The following TGIF1 variants were observed in gnomAD, a reference collection of about 807,000 sequenced individuals.
TGIF1 encodes TGFB induced factor homeobox 1.
TGIF1 carries 4 observed loss-of-function variants against 19.3 expected under a neutral mutation model. That is an observed-to-expected ratio of 0.21 (90% confidence interval 0.10 to 0.47). The LOEUF (loss-of-function observed/expected upper bound fraction) is 0.47. Ranked by LOEUF, TGIF1 falls within the 20% of genes least tolerant of loss-of-function variation. The pLI is 0.98. For synonymous variants in TGIF1, 122 were observed against 129.3 expected, an observed-to-expected ratio of 0.94 and a Z score of 0.38; for missense variants, 275 against 341.4, an observed-to-expected ratio of 0.81 and a Z score of 1.53.
At chr18:3,420,378 C>T (rs1189025876) in intron 2 of TGIF1, among the ~76,000 whole-genome samples, 4 of 150,716 alleles carry the variant, frequency 2.7e-5, no homozygotes, top group Admixed American at 1.3e-4. Flanking sequence ...GTGAGACTCC[C>T]TCTCAAAAAA....
At chr18:3,434,575 CG>C (rs1229580626) in intron 2 of TGIF1, among the ~76,000 whole-genome samples, 1 of 151,770 alleles carries the variant, frequency 6.6e-6, no homozygotes, top group Non-Finnish European at 1.5e-5. Context: ...ATTAGCCAGG[CG>C]TGGTGGCATG....
chr18:3,445,728 A>T (rs2082734110), upstream of TGIF1, among the ~76,000 whole-genome samples: 1 of 111,932 alleles, frequency 8.9e-6, no homozygotes. Flanking sequence ...TGTCTCAAAA[A>T]AAAAAAAAAA....
At position 3,451,763 on chromosome 18, in the gene TGIF1, G is replaced by C. The variant is rs1194569649; in HGVS notation, c.16+1258G>C. ...TTAAACTTGAAACTCGGATCAACTG[G>C]CAGTCGTTGTTGGTAGAACGCCCTA... is the stretch of plus-strand genomic sequence containing the variant. On this transcript the variant is annotated intron_variant, in intron 1 of 2. Transcript: ENST00000343820. This position sits in a 1 kb window ranked among gnomAD's most constrained non-coding sequence, Gnocchi z 5.4. The C allele has an allele frequency of 1.6e-6, 2 of 1,251,918 alleles. No homozygotes were observed. The highest frequency in any genetic ancestry group is 3.1e-5 in the East Asian group (1 of 32,258). The allele number at this position is 1,251,918 out of a possible 1,614,324, so 77.6% of individuals were successfully genotyped here. A position where few individuals can be genotyped will look rare whatever the true frequency, so the allele number is the denominator to read the frequency against.
chr18:3,455,601 T>TAA (rs141164010), intron 1 of TGIF1: 1 of 152,702 alleles, frequency 6.5e-6, no homozygotes, highest in African/African-American at 2.4e-5. Flanking sequence ...TTGACCTTAC[T>TAA]AAAGTACCAG....
chr18:3,457,281 C>A lies in TGIF1; in HGVS notation c.244-84C>A. On this transcript the variant is annotated intron_variant, in intron 2 of 2. Coordinates refer to ENST00000343820, the MANE Select transcript of TGIF1 (RefSeq NM_003244.4). The surrounding 1 kb of genome is among the most constrained non-coding windows in gnomAD (Gnocchi z 4.9). ...CTTTCTTTAATTCAGAGAGCAAGAT[C>A]AATTAGGTACCCCATAGAACATTCT... The A allele has an allele frequency of 1.5e-6, 2 of 1,360,740 alleles. No individual in the cohort carries two copies. Among genetic ancestry groups the A allele is most frequent in the South Asian group, 1.2e-5 (1 of 81,460 alleles). 84.3% of individuals were successfully genotyped at this position (1,360,740 alleles called of 1,614,324 possible). A position where few individuals can be genotyped will look rare whatever the true frequency, so the allele number is the denominator to read the frequency against.
chr18:3,420,354 G>A (rs1161373013), intron 2 of TGIF1, among the ~76,000 whole-genome samples: 1 of 151,880 alleles, frequency 6.6e-6, no homozygotes, highest in Non-Finnish European at 1.5e-5. Flanking sequence ...CTGCACTCCA[G>A]CCTGGGCAAC....
chr18:3,422,595 C>G (rs1237632832), intron 2 of TGIF1, among the ~76,000 whole-genome samples: 1 of 151,432 alleles, frequency 6.6e-6, no homozygotes, highest in Non-Finnish European at 1.5e-5. Context: ...CATTCACTCA[C>G]CACTCACTCA....
At chr18:3,417,971 G>A (rs2082354033) in intron 1 of TGIF1, among the ~76,000 whole-genome samples, 1 of 151,780 alleles carries the variant, frequency 6.6e-6, no homozygotes, top group African/African-American at 2.4e-5. Flanking sequence ...ACAGCTTTTT[G>A]TTAGTTAAGC....
chr18:3,420,054 G>A (rs374812219), intron 2 of TGIF1, among the ~76,000 whole-genome samples: 7 of 151,988 alleles, frequency 4.6e-5, no homozygotes, highest in African/African-American at 1.4e-4. Flanking sequence ...ATTTAAACAC[G>A]GGTTTGTAAT....
intron 1 of TGIF1, chr18:3,412,935 T>G (rs2143092398): frequency 1.3e-5 from 2 of 152,366 alleles, no homozygotes; most frequent in Non-Finnish European, 2.9e-5. Flanking sequence ...GGAGGATCTC[T>G]TGAGCTCAGG....
upstream of TGIF1, chr18:3,447,674 TACA>T: frequency 6.3e-7 from 1 of 1,591,298 alleles, no homozygotes; most frequent in Non-Finnish European, 8.6e-7. Context: ...AAGCTTTCGC[TACA>T]TCACAGAATT....
chr18:3,423,475 C>T (rs58068872), intron 2 of TGIF1, among the ~76,000 whole-genome samples: 20,828 of 151,856 alleles, frequency 0.14, 1,957 homozygotes, highest in African/African-American at 0.26. Flanking sequence ...GTCAGGACAT[C>T]GAGACCTTCC....
intron 1 of TGIF1, among the ~76,000 whole-genome samples, chr18:3,413,767 T>C (rs1381105165): frequency 1.3e-5 from 2 of 152,206 alleles, no homozygotes; most frequent in African/African-American, 2.4e-5. Flanking sequence ...CTCTCCTTCA[T>C]GGTTTTAACT....
chr18:3,435,358 G>A (rs981002477), intron 2 of TGIF1, among the ~76,000 whole-genome samples: 1 of 151,924 alleles, frequency 6.6e-6, no homozygotes, highest in South Asian at 2.1e-4. Flanking sequence ...TGCCACGTCC[G>A]GCTAATTTTT....
Position 3,451,579 on chromosome 18 carries a change from G to A in TGIF1, c.16+1074G>A. ...ACTGCGCATGCCCGGGAGCCGCCTG[G>A]AGTTTGGAACTCCACATTCTTTCAG... On this transcript the variant is annotated intron_variant, in intron 1 of 2. Transcript: ENST00000343820. This position sits in a 1 kb window ranked among gnomAD's most constrained non-coding sequence, Gnocchi z 5.4. 9.7e-7 allele frequency: 1 copy of A among 1,028,800 alleles called. No individual in the cohort carries two copies. The highest frequency in any genetic ancestry group is 1.2e-6 in the Non-Finnish European group (1 of 859,080). The allele number at this position is 1,028,800 out of a possible 1,614,324, so 63.7% of individuals were successfully genotyped here.
At chr18:3,450,602 GCCCAGGGGCT>G in intron 1 of TGIF1, 97 bp downstream of exon 1, 2 of 1,545,580 alleles carry the variant, frequency 1.3e-6, no homozygotes, top group Non-Finnish European at 1.7e-6. Flanking sequence ...GGACTTTTCC[GCCCAGGGGCT>G]CTCATGCTGG....
intron 1 of TGIF1, chr18:3,415,311 A>T (rs2082318171): frequency 3.3e-6 from 1 of 301,738 alleles, no homozygotes. Context: ...CGGTGTCCAC[A>T]CACCTGGATG....
chr18:3,447,838 A>G, upstream of TGIF1: 7 of 1,611,782 alleles, frequency 4.3e-6, no homozygotes, highest in Non-Finnish European at 5.9e-6. Context: ...CTAATTCGAA[A>G]GAGGCTTTCA....
chr18:3,453,225 AT>A (rs1158267606), intron 1 of TGIF1, among the ~76,000 whole-genome samples: 2 of 152,094 alleles, frequency 1.3e-5, no homozygotes, highest in African/African-American at 4.8e-5. Flanking sequence ...GGCAAGAGAC[AT>A]TGCTCCCAGC....
Sources: gnomAD v4.1 joint callset for allele counts (sites outside exome capture counted in the v4.1 genomes callset) on GRCh38, gnomAD v4.1.1 for gene constraint, Gnocchi (gnomAD v3.1) non-coding constraint, MANE v1.5 for transcripts, NCBI Gene and HGNC (gene_info 2026-07-23, HGNC 2026-07-21) for gene names.